The following SNRPN variants were observed in gnomAD, a reference collection of about 807,000 sequenced individuals.
The protein encoded by SNRPN is small nuclear ribonucleoprotein-associated protein N.
SNRPN carries 7 observed loss-of-function variants against 25.2 expected under a neutral mutation model. The ratio of observed to expected loss-of-function variants is 0.28; its 90% CI spans 0.16 to 0.52. The LOEUF is 0.52. SNRPN is among the 20% of genes least tolerant of loss of function. SNRPN has a pLI of 0.96. For synonymous variants in SNRPN, 124 were observed against 110.6 expected, an observed-to-expected ratio of 1.12 and a Z score of -0.76; for missense variants, 196 against 322.5, an observed-to-expected ratio of 0.61 and a Z score of 3.00.
At position 24,833,483 on chromosome 15, in the gene SNRPN, C is replaced by T. The variant is rs527279323; in HGVS notation, c.-579+3578C>T. Among the ~76,000 whole-genome samples the T allele has an allele frequency of 3.0e-4, 46 of 152,082 alleles. 1 individual carries two copies. The highest frequency in any genetic ancestry group is 1.0e-3 in the Admixed American group (16 of 15,280). ...GCAAAGAAAAAAGTTCCCCTTTGTC[C>T]TCTGAAGGTTCACTGAAAAATCAAC... On this transcript the variant is annotated intron_variant, in intron 2 of 12. Coordinates refer to the SNRPN transcript ENST00000400100.
At chr15:24,944,935 AT>A (rs1212979142) in intron 3 of SNRPN, among the ~76,000 whole-genome samples, 2 of 152,178 alleles carry the variant, frequency 1.3e-5, no homozygotes, top group Non-Finnish European at 2.9e-5. Flanking sequence ...ATGGGTTTCA[AT>A]TGAATGGATG....
chr15:24,878,323 T>A (rs866228669), intron 1 of SNRPN, among the ~76,000 whole-genome samples: 2 of 152,104 alleles, frequency 1.3e-5, no homozygotes, highest in African/African-American at 4.8e-5. Context: ...CCGCAAGAAA[T>A]GTGCCACCGT....
At position 24,837,956 on chromosome 15, in the gene SNRPN, C is replaced by G. The variant is rs1029866091; in HGVS notation, c.-579+8051C>G. Among the ~76,000 whole-genome samples the G allele has an allele frequency of 6.2e-4, 93 of 151,106 alleles. 1 individual carries two copies. The highest frequency in any genetic ancestry group is 2.2e-3 in the African/African-American group (91 of 41,064). On this transcript the variant is annotated intron_variant, in intron 2 of 12. Transcript: ENST00000400100. ...CAGGCTGGTCTTGAACTCCTGACCT[C>G]AGAAGATCCGCCTGCCTCGGCCTCC...
At chr15:24,919,430 CAA>C (rs59552412) in intron 2 of SNRPN, among the ~76,000 whole-genome samples, 14 of 128,406 alleles carry the variant, frequency 1.1e-4, no homozygotes, top group Admixed American at 1.6e-4. Flanking sequence ...GACTCTGTCT[CAA>C]AAAAAAAAAA....
At chr15:24,894,985 A>C (rs1032411979) in intron 2 of SNRPN, among the ~76,000 whole-genome samples, 11 of 152,222 alleles carry the variant, frequency 7.2e-5, no homozygotes, top group African/African-American at 2.7e-4. Context: ...AACTAAGCCC[A>C]AAAGAAGCAG....
intron 3 of SNRPN, among the ~76,000 whole-genome samples, chr15:24,945,737 A>G (rs1172558424): frequency 2.0e-5 from 3 of 152,078 alleles, no homozygotes; most frequent in South Asian, 2.1e-4. Context: ...TTTCTTGTTC[A>G]TTCTCTTCCT....
chr15:24,837,898 T>G (rs2051353869), intron 2 of SNRPN, among the ~76,000 whole-genome samples: 1 of 151,558 alleles, frequency 6.6e-6, no homozygotes, highest in African/African-American at 2.4e-5. Flanking sequence ...AATTTTTGTA[T>G]TTTTAGTAGA....
chr15:24,854,633 A>G (rs79874785), upstream of SNRPN, among the ~76,000 whole-genome samples: 547 of 152,314 alleles, frequency 3.6e-3, 21 homozygotes, highest in East Asian at 0.082. Context: ...TAGCATATAC[A>G]TCACCTCTCC....
At chr15:24,875,398 G>A (rs550125711) in intron 1 of SNRPN, among the ~76,000 whole-genome samples, 1 of 152,210 alleles carries the variant, frequency 6.6e-6, no homozygotes, top group East Asian at 1.9e-4. Context: ...CAGAAATTGT[G>A]CTTTACACAA....
In SNRPN at chr15:24,975,522, T is replaced by G. The variant is rs776835067; in HGVS notation, c.155+13T>G. 1.2e-6 allele frequency: 2 copies of G among 1,610,250 alleles called. No individual in the cohort carries two copies. The highest frequency in any genetic ancestry group is 1.1e-5 in the South Asian group (1 of 90,858). On this transcript the variant is annotated intron_variant, in intron 5 of 9. Transcript: ENST00000390687. ...TCAGAAAGATCAAGTAAGGCTGATT[T>G]GGGCAAATGGGGGTTGGACACAGAG...
intron 1 of SNRPN, among the ~76,000 whole-genome samples, chr15:24,860,857 A>G (rs58217736): frequency 0.016 from 2,434 of 152,282 alleles, 49 homozygotes; most frequent in African/African-American, 0.047. Context: ...ATAAAATGTA[A>G]TAAGTTTACC....
At chr15:24,893,165 G>T (rs537482587) in intron 2 of SNRPN, among the ~76,000 whole-genome samples, 1 of 152,132 alleles carries the variant, frequency 6.6e-6, no homozygotes, top group African/African-American at 2.4e-5. Flanking sequence ...CCGAAATCGA[G>T]CCACTGCACT....
intron 1 of SNRPN, among the ~76,000 whole-genome samples, chr15:24,872,747 GA>G (rs755883505): frequency 0.024 from 748 of 31,462 alleles, 31 homozygotes; most frequent in African/African-American, 0.073. Context: ...ACTCCGTCTC[GA>G]AAAAAAAAAA....
At chr15:24,863,418 T>G (rs1423590153) in intron 1 of SNRPN, among the ~76,000 whole-genome samples, 1 of 149,856 alleles carries the variant, frequency 6.7e-6, no homozygotes, top group African/African-American at 2.5e-5. Flanking sequence ...GTGGGCAGTG[T>G]GCAGCCTTGT....
At chr15:24,911,204 G>A (rs2059193358) in intron 2 of SNRPN, 1 of 471,446 alleles carries the variant, frequency 2.1e-6, no homozygotes, top group East Asian at 3.4e-5. Flanking sequence ...TAAAGATTTG[G>A]AAAATTAACA....
At chr15:24,976,783 T>C (rs2077112008) in intron 6 of SNRPN, 94 bp from the exon 7 acceptor site, 1 of 1,135,764 alleles carries the variant, frequency 8.8e-7, no homozygotes, top group Non-Finnish European at 1.3e-6. Context: ...ATAGGTGTCA[T>C]GGGAAAATGG....
rs991539229 is a variant in SNRPN at position 24,839,616 on chromosome 15, T to C, written c.-579+9711T>C. Among the ~76,000 whole-genome samples the C allele has an allele frequency of 3.2e-4, 49 of 152,070 alleles. 1 individual carries two copies. The highest frequency in any genetic ancestry group is 1.2e-3 in the African/African-American group (48 of 41,362). On this transcript the variant is annotated intron_variant, in intron 2 of 12. Transcript: ENST00000400100. ...CTGCATGGTCATCACAAATGCGTGT[T>C]GTTTGGTCCACTGGGCAAATTGCCA...
intron 2 of SNRPN, among the ~76,000 whole-genome samples, chr15:24,907,334 A>T (rs1227607793): frequency 6.6e-6 from 1 of 152,146 alleles, no homozygotes. Context: ...ATGGTGGCTT[A>T]TGCCTGTAAT....
rs143006325 is a variant in SNRPN, at chr15:24,909,617, A to C, written c.-504-10394A>C. ...TGTGCAGACTATCATATCCCCCTCT[A>C]TATGGGCATAAGCAATCTGACAAAT... On this transcript the variant is annotated intron_variant, in intron 2 of 11. Transcript: ENST00000400097. 217 of 1,215,250 alleles carry C rather than the reference A, an allele frequency of 1.8e-4. No homozygotes were observed. The East Asian group carries it at 4.0e-3, about 22-fold the overall frequency. 75.3% of individuals were successfully genotyped at this position (1,215,250 alleles called of 1,614,324 possible). A position where few individuals can be genotyped will look rare whatever the true frequency, so the allele number is the denominator to read the frequency against.
Sources: gnomAD v4.1 joint callset for allele counts (sites outside exome capture counted in the v4.1 genomes callset) on GRCh38, gnomAD v4.1.1 for gene constraint, MANE v1.5 for transcripts, NCBI Gene and HGNC (gene_info 2026-07-23, HGNC 2026-07-21) for gene names.